Variants in DAB1 observed in about 807,000 individuals in gnomAD.
DAB1 encodes DAB adaptor protein 1.
DAB1 carries 15 observed loss-of-function variants against 64.6 expected under a neutral mutation model. The observed-to-expected ratio is 0.23, with a 90% CI of 0.16 to 0.36. DAB1 has a LOEUF of 0.36. Ranked by LOEUF, DAB1 falls within the 10% of genes least tolerant of loss-of-function variation. The probability of loss-of-function intolerance (pLI) is 1.00; values close to 1 mark genes in which losing one functional copy is unlikely to be tolerated. For synonymous variants in DAB1, 235 were observed against 251.9 expected (o/e 0.93, Z 0.64); for missense variants, 596 against 706.7 (o/e 0.84, Z 1.78).
At chr1:57,177,650 A>G (rs1200993580) in intron 2 of DAB1, among the ~76,000 whole-genome samples, 1 of 152,168 alleles carries the variant, frequency 6.6e-6, no homozygotes, top group Non-Finnish European at 1.5e-5. Flanking sequence ...TCAGTCCAGT[A>G]TCTGGGCAGA....
chr1:58,197,221 A>G (rs1432756528), intron 4 of DAB1, among the ~76,000 whole-genome samples: 1 of 152,230 alleles, frequency 6.6e-6, no homozygotes, highest in Admixed American at 6.5e-5. Flanking sequence ...ATTAAACCAC[A>G]ATAAACCCTG....
chr1:57,555,608 A>AG (rs1466723737), intron 7 of DAB1, among the ~76,000 whole-genome samples: 2 of 151,946 alleles, frequency 1.3e-5, no homozygotes, highest in African/African-American at 4.8e-5. Context: ...TGCTGTGCTC[A>AG]CTCTGGGCTC....
intron 4 of DAB1, among the ~76,000 whole-genome samples, chr1:58,200,267 G>C (rs1169490889): frequency 3.3e-5 from 5 of 152,092 alleles, no homozygotes; most frequent in Non-Finnish European, 7.3e-5. Context: ...AGTCCAATCA[G>C]CTCCCTACAT....
chr1:57,248,545 C>T (rs1442837931), intron 2 of DAB1, among the ~76,000 whole-genome samples: 2 of 152,092 alleles, frequency 1.3e-5, no homozygotes, highest in African/African-American at 4.8e-5. Context: ...TAACAAGTGC[C>T]GGTGCTGAAA....
intron 6 of DAB1, among the ~76,000 whole-genome samples, chr1:57,810,707 C>T (rs1005670699): frequency 6.6e-6 from 1 of 152,184 alleles, no homozygotes; most frequent in Non-Finnish European, 1.5e-5. Flanking sequence ...CTTTGCATCT[C>T]CCAAAAGTCC....
At chr1:57,238,848 C>CACACACAT (rs1558002190) in intron 2 of DAB1, among the ~76,000 whole-genome samples, 5 of 142,886 alleles carry the variant, frequency 3.5e-5, no homozygotes, top group Admixed American at 1.5e-4. Context: ...TGCGCACACA[C>CACACACAT]ACACACACAC....
intron 6 of DAB1, among the ~76,000 whole-genome samples, chr1:57,819,758 G>A (rs1385597280): frequency 6.6e-6 from 1 of 152,052 alleles, no homozygotes; most frequent in Non-Finnish European, 1.5e-5. Flanking sequence ...GCTTTGAAAA[G>A]TGGGAAAATA....
At chr1:57,011,021 T>C (rs1646250386) in intron 13 of DAB1, 124 bp downstream of exon 13, 1 of 1,315,880 alleles carries the variant, frequency 7.6e-7, no homozygotes, top group South Asian at 1.4e-5. Context: ...AGCAACCCCT[T>C]GAGAACTTAT....
At chr1:57,729,859 A>G (rs11808979) in intron 6 of DAB1, among the ~76,000 whole-genome samples, 30,389 of 152,096 alleles carry the variant, frequency 0.2, 5,801 homozygotes, top group African/African-American at 0.5. Context: ...CCAGGAGTTC[A>G]ATATCAGCCT....
At chr1:57,009,499 G>A (rs1299686325) in intron 14 of DAB1, among the ~76,000 whole-genome samples, 2 of 152,142 alleles carry the variant, frequency 1.3e-5, no homozygotes, top group Non-Finnish European at 2.9e-5. Context: ...TTAGCTTTCA[G>A]TAACTGTCTA....
intron 5 of DAB1, among the ~76,000 whole-genome samples, chr1:58,059,247 G>A (rs915981274): frequency 2.6e-5 from 4 of 152,208 alleles, no homozygotes; most frequent in Non-Finnish European, 4.4e-5. Flanking sequence ...TCTCAGCCAG[G>A]CAGCCTGAGT....
At chr1:58,366,262 A>T (rs1557740759) in intron 3 of DAB1, among the ~76,000 whole-genome samples, 1 of 152,112 alleles carries the variant, frequency 6.6e-6, no homozygotes, top group Non-Finnish European at 1.5e-5. Flanking sequence ...GGGATGGCTG[A>T]GTGTTTGATC....
intron 3 of DAB1, among the ~76,000 whole-genome samples, chr1:58,470,694 T>C (rs541659542): frequency 6.6e-6 from 1 of 152,208 alleles, no homozygotes; most frequent in Non-Finnish European, 1.5e-5. Context: ...ACGTTTATGA[T>C]ATATTTGCAT....
intron 3 of DAB1, among the ~76,000 whole-genome samples, chr1:58,400,026 AT>A (rs1644556238): frequency 6.6e-6 from 1 of 152,014 alleles, no homozygotes; most frequent in Non-Finnish European, 1.5e-5. Context: ...AATAAATTGA[AT>A]TTCTCATAAG....
chr1:58,009,466 G>C (rs554875209), intron 5 of DAB1, among the ~76,000 whole-genome samples: 3 of 152,136 alleles, frequency 2.0e-5, no homozygotes, highest in African/African-American at 7.2e-5. Context: ...TATATTATTG[G>C]GACTCATTCT....
intron 7 of DAB1, among the ~76,000 whole-genome samples, chr1:57,582,850 G>A (rs950839952): frequency 6.6e-6 from 1 of 152,214 alleles, no homozygotes; most frequent in African/African-American, 2.4e-5. Flanking sequence ...AAGCAACCAG[G>A]ATAGTCTCAT....
chr1:57,299,799 T>C (rs956944763), intron 1 of DAB1, among the ~76,000 whole-genome samples: 7 of 152,252 alleles, frequency 4.6e-5, no homozygotes, highest in Admixed American at 3.3e-4. Flanking sequence ...CGCCATTGAC[T>C]GCCTAGGTAA....
intron 5 of DAB1, among the ~76,000 whole-genome samples, chr1:57,915,604 G>A (rs561523649): frequency 3.9e-5 from 6 of 152,200 alleles, no homozygotes; most frequent in East Asian, 1.9e-4. Flanking sequence ...AACATTTCTC[G>A]AAAGCACTTG....
At chr1:58,021,466 T>C (rs937159574) in intron 5 of DAB1, among the ~76,000 whole-genome samples, 1 of 152,190 alleles carries the variant, frequency 6.6e-6, no homozygotes, top group African/African-American at 2.4e-5. Context: ...TGGTAAAGCC[T>C]GGATAGAGCT....
Sources: allele counts gnomAD v4.1 joint callset (sites outside exome capture counted in the v4.1 genomes callset), GRCh38; gene constraint gnomAD v4.1.1; transcripts MANE v1.5; gene names NCBI Gene and HGNC (gene_info 2026-07-23, HGNC 2026-07-21).